USP42: variants seen among roughly 807,000 people sequenced by gnomAD.
USP42 encodes the protein ubiquitin carboxyl-terminal hydrolase 42.
Under a neutral mutation model 113.0 loss-of-function variants are expected in USP42, and 23 were observed. The observed-to-expected ratio is 0.20, with a 90% CI of 0.15 to 0.29. The LOEUF (loss-of-function observed/expected upper bound fraction) is 0.29, where lower values mean the gene tolerates loss of function less well. USP42 is among the 10% of genes least tolerant of loss of function. The pLI, the probability that USP42 is intolerant of heterozygous loss-of-function variation, is 1.00. For missense variants in USP42, 2,174 were observed against 1,779.8 expected (o/e 1.22, Z -3.99); for synonymous variants, 933 against 699.0 (o/e 1.33, Z -5.28).
At chr7:6,142,831 C>T in intron 7 of USP42, 101 bp from the exon 8 acceptor site, 3 of 1,073,250 alleles carry the variant, frequency 2.8e-6, no homozygotes, top group Admixed American at 3.8e-5. Flanking sequence ...CTGCAGTGAG[C>T]TGTGATTGTG....
At position 6,154,202 on chromosome 7, in the gene USP42, C is replaced by T; in HGVS notation, c.2648C>T (p.Ala883Val). ...VHPSGDHARD[A>V]QDPSQSLGAP... ...CCCAGCGGGGACCACGCCCGGGACG[C>T]TCAGGACCCATCCCAGAGCTTGGGC... The change falls in exon 15 of 18, where the codon GCT (alanine) becomes GTT (valine). Residue 883 changes from alanine (A) to valine (V), a missense_variant. By Grantham distance (64) the Ala-to-Val change is moderately conservative (BLOSUM62 0). Transcript: ENST00000306177. 1 of 1,605,960 alleles carries T rather than the reference C, an allele frequency of 6.2e-7. No homozygotes were observed. Among genetic ancestry groups the T allele is most frequent in the African/African-American group, 1.3e-5 (1 of 75,014 alleles).
At chr7:6,092,216 C>T in the USP42 span, among the ~76,000 whole-genome samples, 187 of 128,994 alleles carry the variant, frequency 1.4e-3, 1 homozygote, top group Non-Finnish European at 2.3e-3. Context: ...CTCGCTTTGT[C>T]GCCCAGGCTG....
chr7:6,139,090 A>ATTC lies in USP42; in HGVS notation c.554-2_554-1insTTC. The stretch of plus-strand genomic sequence containing the variant: ...AGCCTTGTCTTTACCGAAATTTTAC[A>ATTC]GGTATAGCTAGGCACTTCCGTTTTG... On this transcript the variant is annotated splice_acceptor_variant, in intron 4 of 17. Coordinates refer to ENST00000306177, the MANE Select transcript of USP42 (RefSeq NM_032172.3). LOFTEE classifies it high-confidence loss of function. The surrounding 1 kb of genome is among the most constrained non-coding windows in gnomAD (Gnocchi z 4.5). The ATTC allele has an allele frequency of 6.3e-7, 1 of 1,598,474 alleles. No individual in the cohort carries two copies. Among genetic ancestry groups the ATTC allele is most frequent in the Non-Finnish European group, 8.5e-7 (1 of 1,172,290 alleles).
chr7:6,145,256 G>A (rs377635002), intron 9 of USP42, among the ~76,000 whole-genome samples: 1 of 151,800 alleles, frequency 6.6e-6, no homozygotes, highest in African/African-American at 2.4e-5. Context: ...ACTTGAACCC[G>A]GGAGGCGGAG....
Position 6,154,688 on chromosome 7 carries a change from G to T in USP42, c.3134G>T (p.Gly1045Val). Reference protein sequence around the residue: ...HHYTEGERGWGREKFYPDRPR... With the variant: ...HHYTEGERGWVREKFYPDRPR... ...TACACCGAGGGCGAGCGTGGCTGGG[G>T]CCGGGAGAAGTTCTACCCCGACAGG... The change falls in exon 15 of 18, where the codon GGC becomes GTC. Residue 1045 changes from glycine (G) to valine (V), a missense_variant. Gly to Val is a moderately radical substitution (Grantham distance 109). Transcript: ENST00000306177. 6.2e-7 allele frequency: 1 copy of T among 1,603,964 alleles called. No homozygotes were observed. The highest frequency in any genetic ancestry group is 8.5e-7 in the Non-Finnish European group (1 of 1,176,200).
At chr7:6,120,009 G>A (rs937575859) in intron 3 of USP42, among the ~76,000 whole-genome samples, 5 of 152,044 alleles carry the variant, frequency 3.3e-5, no homozygotes, top group African/African-American at 4.8e-5. Context: ...TCTGCCGCCC[G>A]GGCTGGAGTG....
chr7:6,085,626 T>TATA, the USP42 span, among the ~76,000 whole-genome samples: 33 of 146,726 alleles, frequency 2.2e-4, no homozygotes, highest in African/African-American at 7.7e-4. Context: ...ATATATATAT[T>TATA]TTTTTTGAGA....
chr7:6,126,489 G>A (rs1354679041), intron 3 of USP42, among the ~76,000 whole-genome samples: 2 of 152,082 alleles, frequency 1.3e-5, no homozygotes, highest in Admixed American at 6.6e-5. Flanking sequence ...GTTTCACCGT[G>A]TTAGCCAGGA....
intron 12 of USP42, among the ~76,000 whole-genome samples, chr7:6,149,186 G>A (rs1046570237): frequency 2.6e-5 from 4 of 152,152 alleles, no homozygotes; most frequent in African/African-American, 2.4e-5. Context: ...CCACGTGACC[G>A]TCTCCTTTGC....
At chr7:6,152,863 G>T in intron 14 of USP42, 1 of 871,154 alleles carries the variant, frequency 1.1e-6, no homozygotes, top group African/African-American at 1.8e-5. Context: ...GTTTGGAGGT[G>T]GCCCCTCTAC....
chr7:6,107,463 G>T (rs1223669368), intron 1 of USP42, among the ~76,000 whole-genome samples: 2 of 150,644 alleles, frequency 1.3e-5, no homozygotes, highest in Middle Eastern at 3.2e-3. Context: ...AGGCTGGAGG[G>T]CAATGGCGCG....
Position 6,118,594 on chromosome 7 carries a change from C to G in USP42, c.442+3071C>G, listed in dbSNP as rs1364534501. ...GTCACAAATATTTTTCCTATACTTT[C>G]TTCTAGAAGTCTTAAAGTTTTAGCT... On this transcript the variant is annotated intron_variant, in intron 3 of 17. Transcript: ENST00000306177. Among the ~76,000 whole-genome samples, 3 of 150,288 alleles carry G rather than the reference C, an allele frequency of 2.0e-5. No homozygotes were observed. The East Asian group carries it at 5.8e-4, about 29-fold the overall frequency.
At chr7:6,106,271 CTT>C (rs1779270609) in intron 1 of USP42, among the ~76,000 whole-genome samples, 4 of 152,148 alleles carry the variant, frequency 2.6e-5, no homozygotes, top group African/African-American at 7.2e-5. Context: ...TGTGTTTTCT[CTT>C]ATAACGGAAA....
At chr7:6,126,040 A>T (rs1780524688) in intron 3 of USP42, among the ~76,000 whole-genome samples, 1 of 151,786 alleles carries the variant, frequency 6.6e-6, no homozygotes, top group Admixed American at 6.6e-5. Context: ...CACCTACAGA[A>T]CCCAGCATGT....
chr7:6,155,115 A>G lies in USP42; in HGVS notation c.3561A>G (p.Leu1187=), dbSNP rs1023047250. 4.5e-6 allele frequency: 7 copies of G among 1,558,146 alleles called. No individual in the cohort carries two copies. Among genetic ancestry groups the G allele is most frequent in the South Asian group, 2.4e-5 (2 of 84,330 alleles). ...GGAGGAGCGAACAGAAGGATCCTCT[A>G]GAAGAGCCTAAAGCAAAGAAGCACA... ...KARRSEQKDP[L]EEPKAKKHKK... Residue 1187 remains leucine (L), a synonymous_variant, in exon 15 of 18, where the codon CTA becomes CTG. Coordinates refer to ENST00000306177, the MANE Select transcript of USP42 (RefSeq NM_032172.3).
At chr7:6,137,974 C>T (rs1562832288) in intron 4 of USP42, among the ~76,000 whole-genome samples, 2 of 152,172 alleles carry the variant, frequency 1.3e-5, no homozygotes, top group Admixed American at 1.3e-4. Flanking sequence ...CCACCACGCC[C>T]GACCACATAT....
At chr7:6,083,913 A>G in the USP42 span, among the ~76,000 whole-genome samples, 1 of 151,096 alleles carries the variant, frequency 6.6e-6, no homozygotes, top group Non-Finnish European at 1.5e-5. Context: ...TCCCTAACCT[A>G]GTTAACCTCC....
chr7:6,134,596 G>C (rs1415737793), intron 3 of USP42, among the ~76,000 whole-genome samples: 1 of 152,164 alleles, frequency 6.6e-6, no homozygotes, highest in Non-Finnish European at 1.5e-5. Flanking sequence ...GGGAGGGGCT[G>C]TCCGGTGCAT....
chr7:6,097,793 T>C, the USP42 span, among the ~76,000 whole-genome samples: 4 of 150,220 alleles, frequency 2.7e-5, no homozygotes, highest in Non-Finnish European at 5.9e-5. Context: ...GGTTTTACCA[T>C]GTTAGCAAGG....
Sources: gnomAD v4.1 joint callset for allele counts (sites outside exome capture counted in the v4.1 genomes callset) on GRCh38, gnomAD v4.1.1 for gene constraint, Gnocchi (gnomAD v3.1) non-coding constraint, MANE v1.5 for transcripts, NCBI Gene and HGNC (gene_info 2026-07-23, HGNC 2026-07-21) for gene names.